The following ENOX1 variants were observed in gnomAD, a reference collection of about 807,000 sequenced individuals.
ENOX1 encodes the protein candidate growth-related and time keeping constitutive hydroquinone (NADH) oxidase.
In ENOX1, 42 loss-of-function variants were observed where a neutral mutation model predicts 82.5. The observed-to-expected ratio is 0.51, with a 90% CI of 0.40 to 0.66. ENOX1 has a LOEUF of 0.66. Ranked by LOEUF, ENOX1 falls within the 30% of genes least tolerant of loss-of-function variation. The pLI is 0.00. For missense variants in ENOX1, 608 were observed against 811.6 expected (o/e 0.75, Z 3.05); for synonymous variants, 271 against 282.2 (o/e 0.96, Z 0.40).
chr13:43,707,491 T>C (rs556346131), intron 1 of ENOX1, among the ~76,000 whole-genome samples: 1 of 152,060 alleles, frequency 6.6e-6, no homozygotes, highest in Non-Finnish European at 1.5e-5. Flanking sequence ...ATCCCAGCAC[T>C]TTGGGAGGCC....
chr13:43,549,270 C>G (rs1393301429), intron 2 of ENOX1, among the ~76,000 whole-genome samples: 1 of 152,196 alleles, frequency 6.6e-6, no homozygotes, highest in Admixed American at 6.5e-5. Context: ...ATGAAACAGT[C>G]TCTAGCAAAA....
At chr13:43,332,528 C>A (rs1247247172) in intron 9 of ENOX1, among the ~76,000 whole-genome samples, 1 of 151,950 alleles carries the variant, frequency 6.6e-6, no homozygotes, top group Non-Finnish European at 1.5e-5. Context: ...AAAGAGAAGC[C>A]TACTGATCAC....
At chr13:43,279,507 G>T (rs2045252100) in intron 12 of ENOX1, among the ~76,000 whole-genome samples, 1 of 152,150 alleles carries the variant, frequency 6.6e-6, no homozygotes, top group Admixed American at 6.5e-5. Context: ...GGTTTGGAAG[G>T]CTCTAAAATC....
intron 2 of ENOX1, among the ~76,000 whole-genome samples, chr13:43,504,952 C>T (rs1320835808): frequency 6.6e-6 from 1 of 151,690 alleles, no homozygotes; most frequent in African/African-American, 2.4e-5. Context: ...AAAAATTTTA[C>T]ATTATTCTTA....
At chr13:43,219,416 AG>A (rs1201084548) in intron 16 of ENOX1, among the ~76,000 whole-genome samples, 2 of 152,194 alleles carry the variant, frequency 1.3e-5, no homozygotes, top group Non-Finnish European at 2.9e-5. Flanking sequence ...TGGAGAGGAT[AG>A]TCATAACCCT....
chr13:43,622,366 T>G (rs1244960293), intron 2 of ENOX1, among the ~76,000 whole-genome samples: 2 of 152,228 alleles, frequency 1.3e-5, no homozygotes, highest in African/African-American at 4.8e-5. Flanking sequence ...TCCTTCTCAT[T>G]TGGGTAGGCT....
At chr13:43,614,091 A>G (rs1157808360) in intron 2 of ENOX1, among the ~76,000 whole-genome samples, 1 of 152,208 alleles carries the variant, frequency 6.6e-6, no homozygotes, top group African/African-American at 2.4e-5. Context: ...TTTGACAATA[A>G]AAACTCCTAT....
At chr13:43,719,498 T>G (rs1221691242) in intron 1 of ENOX1, among the ~76,000 whole-genome samples, 2 of 152,050 alleles carry the variant, frequency 1.3e-5, no homozygotes, top group Non-Finnish European at 2.9e-5. Flanking sequence ...CCAGTGGTCA[T>G]AATCAATGCT....
intron 1 of ENOX1, among the ~76,000 whole-genome samples, chr13:43,776,966 A>G (rs1313850733): frequency 2.0e-5 from 3 of 152,234 alleles, no homozygotes; most frequent in African/African-American, 7.2e-5. Context: ...AGAGAGGAGG[A>G]AGGAAGAGCA....
chr13:43,620,270 T>C (rs951200704), intron 2 of ENOX1, among the ~76,000 whole-genome samples: 1 of 152,120 alleles, frequency 6.6e-6, no homozygotes, highest in South Asian at 2.1e-4. Context: ...ATCTTGGTTA[T>C]TTCCTTTCTT....
intron 10 of ENOX1, among the ~76,000 whole-genome samples, chr13:43,325,585 A>G (rs896697932): frequency 1.3e-5 from 2 of 152,190 alleles, no homozygotes; most frequent in Admixed American, 6.5e-5. Flanking sequence ...AAATAAATAA[A>G]CCTTACCTTC....
intron 12 of ENOX1, among the ~76,000 whole-genome samples, chr13:43,297,143 G>A (rs2046327307): frequency 6.6e-6 from 1 of 152,196 alleles, no homozygotes; most frequent in Non-Finnish European, 1.5e-5. Context: ...GCTTTAAAAT[G>A]GCAGAAGATG....
At chr13:43,500,872 G>C (rs1431101161) in intron 2 of ENOX1, among the ~76,000 whole-genome samples, 1 of 151,698 alleles carries the variant, frequency 6.6e-6, no homozygotes, top group Admixed American at 6.6e-5. Flanking sequence ...TCTTAAAATA[G>C]ACTGTTATAA....
At chr13:43,535,581 A>G (rs1050316294) in intron 2 of ENOX1, among the ~76,000 whole-genome samples, 2 of 152,180 alleles carry the variant, frequency 1.3e-5, no homozygotes, top group Non-Finnish European at 2.9e-5. Context: ...TGGACCTCAG[A>G]AAGGACCTCA....
At chr13:43,480,961 A>T (rs1307992313) in intron 3 of ENOX1, among the ~76,000 whole-genome samples, 1 of 152,226 alleles carries the variant, frequency 6.6e-6, no homozygotes, top group African/African-American at 2.4e-5. Context: ...CTTCTAAAAA[A>T]TTGAAAAGGA....
chr13:43,371,662 A>T (rs558986120), intron 5 of ENOX1, among the ~76,000 whole-genome samples: 5 of 152,360 alleles, frequency 3.3e-5, no homozygotes, highest in African/African-American at 1.2e-4. Context: ...TTTTAAAAAG[A>T]ACAAAGAAAA....
intron 3 of ENOX1, among the ~76,000 whole-genome samples, chr13:43,429,162 C>T (rs142255024): frequency 1.1e-3 from 164 of 152,292 alleles, no homozygotes; most frequent in African/African-American, 3.8e-3. Context: ...AGCTTTTCCA[C>T]TTGATGCTTT....
At chr13:43,734,905 A>C (rs531667735) in intron 1 of ENOX1, among the ~76,000 whole-genome samples, 29 of 152,314 alleles carry the variant, frequency 1.9e-4, no homozygotes, top group African/African-American at 6.5e-4. Context: ...ATCCCATACC[A>C]TAATTTTACA....
chr13:43,479,253 C>A (rs556262077), intron 3 of ENOX1, among the ~76,000 whole-genome samples: 21 of 152,188 alleles, frequency 1.4e-4, no homozygotes, highest in African/African-American at 4.8e-4. Context: ...ACAAACCGAT[C>A]CTTGATTTTC....
Sources: gnomAD v4.1 joint callset for allele counts (sites outside exome capture counted in the v4.1 genomes callset) on GRCh38, gnomAD v4.1.1 for gene constraint, MANE v1.5 for transcripts, NCBI Gene and HGNC (gene_info 2026-07-23, HGNC 2026-07-21) for gene names.